TRAF3: variants seen among roughly 807,000 people sequenced by gnomAD.
TRAF3 encodes TNF receptor associated factor 3.
In TRAF3, 13 loss-of-function variants were observed where a neutral mutation model predicts 62.3. That is an observed-to-expected ratio of 0.21 (90% CI 0.14 to 0.33). The LOEUF (loss-of-function observed/expected upper bound fraction) is 0.33, where lower values mean the gene tolerates loss of function less well. Among genes scored for constraint, TRAF3 ranks in the 10% least tolerant of loss-of-function variants. The probability of loss-of-function intolerance (pLI) is 1.00; values close to 1 mark genes in which losing one functional copy is unlikely to be tolerated. For missense variants in TRAF3, 440 were observed against 741.8 expected (o/e 0.59, Z 4.73); for synonymous variants, 269 against 283.4 (o/e 0.95, Z 0.51).
intron 2 of TRAF3, among the ~76,000 whole-genome samples, chr14:102,843,103 C>T (rs368409601): frequency 2.0e-5 from 3 of 150,694 alleles, no homozygotes; most frequent in African/African-American, 2.4e-5. Flanking sequence ...CTCAGGAGGC[C>T]GAGACAGGAG....
At chr14:102,786,120 C>G (rs971680052) in intron 1 of TRAF3, among the ~76,000 whole-genome samples, 1 of 152,166 alleles carries the variant, frequency 6.6e-6, no homozygotes. Context: ...ATTAGACCTG[C>G]TTTGAATTCT....
Position 102,876,343 on chromosome 14 carries a change from T to C in TRAF3, c.403-15T>C. The C allele has an allele frequency of 5.0e-6, 8 of 1,613,946 alleles. No individual in the cohort carries two copies. Among genetic ancestry groups the C allele is most frequent in the Non-Finnish European group, 5.9e-6 (7 of 1,179,860 alleles). On this transcript the variant is annotated splice_polypyrimidine_tract_variant and intron_variant, in intron 5 of 11. Transcript: ENST00000392745. The stretch of plus-strand genomic sequence containing the variant: ...TTTTTTCCCAATTAAGAACATTGAA[T>C]GGTCTGTCTTACAGGTGCATTTAAA...
intron 2 of TRAF3, among the ~76,000 whole-genome samples, chr14:102,837,768 G>T (rs1012544489): frequency 1.3e-5 from 2 of 152,204 alleles, no homozygotes; most frequent in African/African-American, 4.8e-5. Flanking sequence ...TGCAGGGTTT[G>T]AATTGACAGT....
intron 1 of TRAF3, among the ~76,000 whole-genome samples, chr14:102,792,559 A>C (rs1003091794): frequency 6.7e-6 from 1 of 149,496 alleles, no homozygotes; most frequent in Non-Finnish European, 1.5e-5. Context: ...GGTGTGAACC[A>C]CTGTGCCTGG....
chr14:102,880,312 C>G (rs147041846), intron 6 of TRAF3, among the ~76,000 whole-genome samples: 3 of 152,320 alleles, frequency 2.0e-5, no homozygotes, highest in Non-Finnish European at 4.4e-5. Flanking sequence ...GACCCCATCT[C>G]TAGAACGAAA....
At chr14:102,782,513 G>C (rs559056490) in intron 1 of TRAF3, among the ~76,000 whole-genome samples, 3 of 152,116 alleles carry the variant, frequency 2.0e-5, no homozygotes, top group African/African-American at 4.8e-5. Flanking sequence ...GATTACAGGC[G>C]TGAGCCACCG....
intron 1 of TRAF3, among the ~76,000 whole-genome samples, chr14:102,827,120 T>C (rs969299815): frequency 2.0e-5 from 3 of 152,218 alleles, no homozygotes; most frequent in Admixed American, 2.0e-4. Context: ...GCCCTCCCTG[T>C]AGTCCAGCTG....
chr14:102,792,119 T>TC (rs1381350904), intron 1 of TRAF3, among the ~76,000 whole-genome samples: 2 of 136,078 alleles, frequency 1.5e-5, no homozygotes. Context: ...TGGACTTTTT[T>TC]TTTTTTTTTT....
chr14:102,824,450 G>A (rs995425377), intron 1 of TRAF3, among the ~76,000 whole-genome samples: 4 of 152,080 alleles, frequency 2.6e-5, no homozygotes, highest in South Asian at 4.2e-4. Flanking sequence ...CTTCCTCTTG[G>A]GGACATCCTT....
intron 2 of TRAF3, among the ~76,000 whole-genome samples, chr14:102,864,007 A>G (rs995867377): frequency 6.6e-6 from 1 of 152,178 alleles, no homozygotes; most frequent in Non-Finnish European, 1.5e-5. Context: ...GACCAGAGAA[A>G]GTTAAAATGC....
At position 102,870,182 on chromosome 14, in the gene TRAF3, C is replaced by T; in HGVS notation, c.-17-3C>T. 11 of 1,614,050 alleles carry T rather than the reference C, an allele frequency of 6.8e-6. No homozygotes were observed. The highest frequency in any genetic ancestry group is 3.3e-5 in the South Asian group (3 of 91,060). ...ATGGCACTCTACTGTTTTTTCCCGA[C>T]AGAACTCCTCTTTCCTAAAATGGAG... On this transcript the variant is annotated splice_polypyrimidine_tract_variant and splice_region_variant and intron_variant, in intron 2 of 11. Transcript: ENST00000392745.
At chr14:102,783,847 C>T (rs755466001) in intron 1 of TRAF3, among the ~76,000 whole-genome samples, 18 of 152,094 alleles carry the variant, frequency 1.2e-4, no homozygotes, top group East Asian at 9.6e-4. Context: ...TGCTTGGCCC[C>T]GCTGAATTGA....
rs1377183322 is a variant in TRAF3 at position 102,826,435 on chromosome 14, G to A, written c.-156-3899G>A. ...GGGCAGCTGCAGAGCCGCCGCTTCA[G>A]GACAGCATGGGAGCTGCTGGAGGTC... On this transcript the variant is annotated intron_variant, in intron 1 of 11. Coordinates refer to ENST00000392745, the MANE Select transcript of TRAF3 (RefSeq NM_145725.3). The surrounding 1 kb of genome is among the most constrained non-coding windows in gnomAD (Gnocchi z 4.6). 1.3e-5 allele frequency among the ~76,000 whole-genome samples: 2 copies of A among 152,206 alleles called. No individual in the cohort carries two copies. The highest frequency in any genetic ancestry group is 2.9e-5 in the Non-Finnish European group (2 of 68,040).
chr14:102,843,510 G>A (rs1413178784), intron 2 of TRAF3, among the ~76,000 whole-genome samples: 1 of 151,900 alleles, frequency 6.6e-6, no homozygotes, highest in African/African-American at 2.4e-5. Context: ...GCTAATTTTT[G>A]TATTTTTTGT....
intron 1 of TRAF3, among the ~76,000 whole-genome samples, chr14:102,777,982 G>T (rs1325715088): frequency 6.6e-6 from 1 of 150,556 alleles, no homozygotes; most frequent in Non-Finnish European, 1.5e-5. Flanking sequence ...AACGGGGCGC[G>T]CAGGCCTCGC....
At chr14:102,839,875 GTAGT>G (rs762698200) in intron 2 of TRAF3, among the ~76,000 whole-genome samples, 3 of 152,192 alleles carry the variant, frequency 2.0e-5, no homozygotes, top group Admixed American at 1.3e-4. Flanking sequence ...ATAGTGAGAA[GTAGT>G]TAGAGCATAA....
At chr14:102,789,576 T>C (rs1185387669) in intron 1 of TRAF3, among the ~76,000 whole-genome samples, 2 of 151,254 alleles carry the variant, frequency 1.3e-5, no homozygotes, top group Non-Finnish European at 2.9e-5. Flanking sequence ...ATCACACTTA[T>C]GAACTACAAA....
Position 102,780,092 on chromosome 14 carries a change from A to G in TRAF3, c.-157+2417A>G, listed in dbSNP as rs760824036. On this transcript the variant is annotated intron_variant, in intron 1 of 11. Transcript: ENST00000392745. Reference sequence around the variant, plus strand: ...AGAGAAAGTGGGAAGAGTGAGAAAGAAGGAGGTGAGGCCAGAGGATTTGGA... The same window carrying G: ...AGAGAAAGTGGGAAGAGTGAGAAAGGAGGAGGTGAGGCCAGAGGATTTGGA... Among the ~76,000 whole-genome samples, 8 of 152,156 alleles carry G rather than the reference A, an allele frequency of 5.3e-5. 1 individual carries two copies. Among genetic ancestry groups the G allele is most frequent in the Admixed American group, 1.3e-4 (2 of 15,274 alleles).
intron 2 of TRAF3, among the ~76,000 whole-genome samples, chr14:102,859,102 A>C (rs1040682803): frequency 6.6e-6 from 1 of 152,158 alleles, no homozygotes; most frequent in African/African-American, 2.4e-5. Context: ...ATTTCTTTTA[A>C]AAGATTAATT....
Sources: gnomAD v4.1 joint callset for allele counts (sites outside exome capture counted in the v4.1 genomes callset) on GRCh38, gnomAD v4.1.1 for gene constraint, Gnocchi (gnomAD v3.1) non-coding constraint, MANE v1.5 for transcripts, NCBI Gene and HGNC (gene_info 2026-07-23, HGNC 2026-07-21) for gene names.